The following SCD5 variants were observed in gnomAD, a reference collection of about 807,000 sequenced individuals.
The protein encoded by SCD5 is stearoyl-CoA desaturase 5.
Under a neutral mutation model 30.4 loss-of-function variants are expected in SCD5, and 20 were observed. The observed-to-expected ratio is 0.66, with a 90% CI of 0.46 to 0.96. The LOEUF (loss-of-function observed/expected upper bound fraction) is 0.96. SCD5 is among the 40% of genes least tolerant of loss of function. The pLI is 0.00. For missense variants in SCD5, 381 were observed against 443.3 expected (o/e 0.86, Z 1.26); for synonymous variants, 173 against 176.4 (o/e 0.98, Z 0.16).
chr4:82,741,667 A>G (rs1390495864), intron 1 of SCD5, among the ~76,000 whole-genome samples: 1 of 152,188 alleles, frequency 6.6e-6, no homozygotes, highest in Non-Finnish European at 1.5e-5. Context: ...ATGGAATGAG[A>G]TATTAGAATA....
chr4:82,693,347 C>T (rs58851130), intron 2 of SCD5, among the ~76,000 whole-genome samples: 20,588 of 152,020 alleles, frequency 0.14, 2,048 homozygotes, highest in African/African-American at 0.27. Context: ...CTAATTATCC[C>T]TCACCAATGT....
chr4:82,729,147 CA>C (rs752005376), intron 1 of SCD5, among the ~76,000 whole-genome samples: 1 of 152,196 alleles, frequency 6.6e-6, no homozygotes, highest in Non-Finnish European at 1.5e-5. Flanking sequence ...GAAATGGCAA[CA>C]CCAAAATTAA....
intron 1 of SCD5, among the ~76,000 whole-genome samples, chr4:82,712,277 T>TAC (rs1720117966): frequency 6.1e-5 from 3 of 48,960 alleles, no homozygotes; most frequent in African/African-American, 3.4e-4. Flanking sequence ...TATATATATA[T>TAC]ATATATATAT....
chr4:82,795,809 C>T (rs1188690615), intron 1 of SCD5, among the ~76,000 whole-genome samples: 3 of 43,900 alleles, frequency 6.8e-5, no homozygotes, highest in African/African-American at 2.6e-4. Context: ...CCCTGTCTCA[C>T]AAAAAAAAAA....
At chr4:82,784,509 G>A (rs1467966956) in intron 1 of SCD5, among the ~76,000 whole-genome samples, 1 of 152,128 alleles carries the variant, frequency 6.6e-6, no homozygotes, top group Non-Finnish European at 1.5e-5. Context: ...TTTGGGGGGA[G>A]GAAATCGTAT....
chr4:82,750,348 C>CT (rs1721076405), intron 1 of SCD5, among the ~76,000 whole-genome samples: 1 of 152,178 alleles, frequency 6.6e-6, no homozygotes, highest in African/African-American at 2.4e-5. Flanking sequence ...TACCTACACC[C>CT]TGCAGGAGTA....
intron 1 of SCD5, among the ~76,000 whole-genome samples, chr4:82,730,341 A>AG (rs1405569193): frequency 6.7e-6 from 1 of 149,768 alleles, no homozygotes; most frequent in Non-Finnish European, 1.5e-5. Context: ...TCTGTCACCC[A>AG]GCTGGAGTCC....
rs72115040 is a variant in SCD5 at position 82,795,809 on chromosome 4, CAAAAA to C, written c.232+2492_232+2496del. Among the ~76,000 whole-genome samples, 11 of 43,910 alleles carry C rather than the reference CAAAAA, an allele frequency of 2.5e-4. No individual in the cohort carries two copies. The East Asian group carries it at 4.0e-3, about 16-fold the overall frequency. 28.8% of individuals were successfully genotyped at this position (43,910 alleles called of 152,430 possible). On this transcript the variant is annotated intron_variant, in intron 1 of 4. Transcript: ENST00000319540. The stretch of plus-strand genomic sequence containing the variant: ...TGCACTCCAGCAAGACCCTGTCTCA[CAAAAA>C]AAAAAAAAAAAAAAAAAAAAAGCAG...
At chr4:82,633,357 A>G (rs1727361030) in intron 4 of SCD5, among the ~76,000 whole-genome samples, 1 of 152,164 alleles carries the variant, frequency 6.6e-6, no homozygotes, top group Admixed American at 6.6e-5. Flanking sequence ...TGCATATGTG[A>G]TACATATTCT....
At position 82,697,593 on chromosome 4, in the gene SCD5, A is replaced by G. The variant is rs189377871; in HGVS notation, c.363+7690T>C. ...TTTCACTGACCTAGATCCCCAACAA[A>G]TAAGCAAGTAAGGCATCTTAGGGGT... On this transcript the variant is annotated intron_variant, in intron 2 of 4. Transcript: ENST00000319540. Among the ~76,000 whole-genome samples the G allele has an allele frequency of 1.4e-4, 22 of 152,236 alleles. 1 individual carries two copies. The East Asian group carries it at 3.9e-3, about 27-fold the overall frequency.
At chr4:82,664,999 C>CTCTCTATATA (rs1219554314) in intron 3 of SCD5, among the ~76,000 whole-genome samples, 139 of 70,480 alleles carry the variant, frequency 2.0e-3, no homozygotes, top group Non-Finnish European at 2.2e-3. Context: ...CTCTCTCTCT[C>CTCTCTATATA]TATATATATA....
At chr4:82,714,091 C>G (rs186792251) in intron 1 of SCD5, among the ~76,000 whole-genome samples, 24 of 152,336 alleles carry the variant, frequency 1.6e-4, no homozygotes, top group East Asian at 5.8e-4. Flanking sequence ...GTCTGCCTGT[C>G]TGTATCATCA....
At position 82,798,687 on chromosome 4, in the gene SCD5, T is replaced by G. The variant is rs1219003493; in HGVS notation, c.-150A>C. On this transcript the variant is annotated 5_prime_UTR_variant, in exon 1 of 5. Transcript: ENST00000319540. ...CCTTCCAGCCCTTCTCCCGGGCTCC[T>G]GCGCTCTTCCCCAGGGTCTTAGCGT... is the stretch of plus-strand genomic sequence containing the variant. 7.3e-6 allele frequency: 5 copies of G among 685,418 alleles called. No individual in the cohort carries two copies. The East Asian group carries it at 1.4e-4, about 19-fold the overall frequency. 42.5% of individuals were successfully genotyped at this position (685,418 alleles called of 1,614,324 possible). A position where few individuals can be genotyped will look rare whatever the true frequency, so the allele number is the denominator to read the frequency against.
At chr4:82,660,807 G>A (rs2148816752) in intron 3 of SCD5, 1 of 1,608,004 alleles carries the variant, frequency 6.2e-7, no homozygotes, top group Non-Finnish European at 8.5e-7. Flanking sequence ...AGGCCTGGGT[G>A]TGGAGTCCCC....
intron 4 of SCD5, among the ~76,000 whole-genome samples, chr4:82,634,591 C>T (rs777365014): frequency 2.0e-5 from 3 of 152,206 alleles, no homozygotes; most frequent in Non-Finnish European, 2.9e-5. Context: ...CCCCACTCTA[C>T]TGCACAACTG....
chr4:82,717,490 T>C (rs72916898), intron 1 of SCD5, among the ~76,000 whole-genome samples: 3,340 of 151,982 alleles, frequency 0.022, 196 homozygotes, highest in African/African-American at 0.077. Context: ...TCATTAATTA[T>C]TCAGTTTTTA....
In SCD5 at chr4:82,753,140, A is replaced by T. The variant is rs796594584; in HGVS notation, c.232+45166T>A. ...GGAGTCTGCATTTTAGCAAGATCCTATGTGATTCCTGTGCACATTCCAGTT... is the reference window on the plus strand; with the variant it reads ...GGAGTCTGCATTTTAGCAAGATCCTTTGTGATTCCTGTGCACATTCCAGTT... On this transcript the variant is annotated intron_variant, in intron 1 of 4. Transcript: ENST00000319540. 8.2e-3 allele frequency among the ~76,000 whole-genome samples: 1,248 copies of T among 152,188 alleles called. 13 individuals carry two copies. Among genetic ancestry groups the T allele is most frequent in the Non-Finnish European group, 0.01 (680 of 67,990 alleles).
chr4:82,661,757 G>A lies in SCD5; in HGVS notation c.569+18950C>T, dbSNP rs1298673943. The stretch of plus-strand genomic sequence containing the variant: ...GTTCTTTAGAAAAAGAGACTTTCAG[G>A]TTGTAAACCAGCACTAAGGTGACAT... On this transcript the variant is annotated intron_variant, in intron 3 of 4. Transcript: ENST00000319540. Among the ~76,000 whole-genome samples the A allele has an allele frequency of 2.0e-5, 3 of 152,168 alleles. 1 individual carries two copies. In the East Asian group the frequency reaches 5.8e-4, roughly 29 times the overall value.
chr4:82,712,299 T>TACACATATATATATATATATACG (rs1560540883), intron 1 of SCD5, among the ~76,000 whole-genome samples: 1 of 32,040 alleles, frequency 3.1e-5, no homozygotes, highest in Non-Finnish European at 6.5e-5. Flanking sequence ...TATATATATT[T>TACACATATATATATATATATACG]TATTTTTATT....
Sources: allele counts gnomAD v4.1 joint callset (sites outside exome capture counted in the v4.1 genomes callset), GRCh38; gene constraint gnomAD v4.1.1; transcripts MANE v1.5; gene names NCBI Gene and HGNC (gene_info 2026-07-23, HGNC 2026-07-21).